SYT7: variants seen among roughly 807,000 people sequenced by gnomAD.
SYT7 encodes the protein synaptotagmin-7.
SYT7 carries 29 observed loss-of-function variants against 75.1 expected under a neutral mutation model. The observed-to-expected ratio is 0.39, with a 90% CI of 0.29 to 0.53. The LOEUF is 0.53. Ranked by LOEUF, SYT7 falls within the 20% of genes least tolerant of loss-of-function variation. The pLI is 0.77. For synonymous variants in SYT7, 376 were observed against 401.7 expected, an observed-to-expected ratio of 0.94 and a Z score of 0.76; for missense variants, 693 against 953.2, an observed-to-expected ratio of 0.73 and a Z score of 3.59.
intron 12 of SYT7, among the ~76,000 whole-genome samples, chr11:61,519,975 C>G (rs2062263694): frequency 6.6e-6 from 1 of 152,004 alleles, no homozygotes; most frequent in African/African-American, 2.4e-5. Context: ...CGCCCGCCAC[C>G]ACGCCCGGCT....
At chr11:61,557,118 G>A (rs932194600) in intron 1 of SYT7, among the ~76,000 whole-genome samples, 14 of 152,084 alleles carry the variant, frequency 9.2e-5, no homozygotes, top group East Asian at 7.7e-4. Context: ...CTCCTCCCCC[G>A]CCCTCCTCAT....
chr11:61,533,728 G>T lies in SYT7; in HGVS notation c.1065-604C>A, dbSNP rs1469695864. Reference sequence around the variant, plus strand: ...TGTATTTGTGCTGTCCAGTGGAGCAGCCACATGCCACACGTGTGCACTTGA... The same window carrying T: ...TGTATTTGTGCTGTCCAGTGGAGCATCCACATGCCACACGTGTGCACTTGA... On this transcript the variant is annotated intron_variant, in intron 7 of 12. Coordinates refer to ENST00000539008, the MANE Select transcript of SYT7 (RefSeq NM_001365809.2). 6.4e-6 allele frequency: 6 copies of T among 933,274 alleles called. No individual in the cohort carries two copies. The South Asian group carries it at 1.5e-4, about 23-fold the overall frequency. 57.8% of individuals were successfully genotyped at this position (933,274 alleles called of 1,614,324 possible).
chr11:61,563,196 CT>C (rs2063685645), intron 1 of SYT7, among the ~76,000 whole-genome samples: 1 of 152,186 alleles, frequency 6.6e-6, no homozygotes, highest in African/African-American at 2.4e-5. Context: ...CATCACTTGT[CT>C]ACTCAGATTC....
chr11:61,561,165 C>T lies in SYT7; in HGVS notation c.32-4958G>A, dbSNP rs74394168. ...GGGAAAGAAAATTTGGAGCCCTAGT[C>T]AGCCTTTTGACAGGGTTGAGTGCCA... is the stretch of plus-strand genomic sequence containing the variant. On this transcript the variant is annotated intron_variant, in intron 1 of 12. Transcript: ENST00000539008. Among the ~76,000 whole-genome samples, 353 of 152,330 alleles carry T rather than the reference C, an allele frequency of 2.3e-3. 2 individuals carry two copies. The highest frequency in any genetic ancestry group is 8.2e-3 in the African/African-American group (342 of 41,572).
intron 3 of SYT7, among the ~76,000 whole-genome samples, chr11:61,550,400 CA>C (rs1475388203): frequency 4.0e-5 from 6 of 150,920 alleles, no homozygotes; most frequent in African/African-American, 1.5e-4. Context: ...GAAAGACACA[CA>C]GGGGAAGGCA....
In SYT7 at chr11:61,551,612, G is replaced by A. The variant is rs1290029668; in HGVS notation, c.136-149C>T. On this transcript the variant is annotated intron_variant, in intron 2 of 12. Coordinates refer to ENST00000539008, the MANE Select transcript of SYT7 (RefSeq NM_001365809.2). This position sits in a 1 kb window ranked among gnomAD's most constrained non-coding sequence, Gnocchi z 5.3. ...CAGTGTGCGAGGCTGTCACCGCGGT[G>A]GGGGCCAATCCCCTGGATGCCTGCT... The A allele has an allele frequency of 2.6e-6, 2 of 769,746 alleles. No homozygotes were observed. Among genetic ancestry groups the A allele is most frequent in the Non-Finnish European group, 4.2e-6 (2 of 474,650 alleles). 47.7% of individuals were successfully genotyped at this position (769,746 alleles called of 1,614,324 possible).
chr11:61,517,876 C>T lies in SYT7; in HGVS notation c.*751G>A, dbSNP rs942881366. 26 of 301,400 alleles carry T rather than the reference C, an allele frequency of 8.6e-5. No homozygotes were observed. The highest frequency in any genetic ancestry group is 1.4e-4 in the Non-Finnish European group (23 of 164,500). 18.7% of individuals were successfully genotyped at this position (301,400 alleles called of 1,614,324 possible). On this transcript the variant is annotated 3_prime_UTR_variant, in exon 13 of 13. Transcript: ENST00000539008. ...GACGGGGGGATGGCAGGAGGCAGCC[C>T]AGTTCTCAGCCCAGCTCCAGCAACT...
intron 7 of SYT7, among the ~76,000 whole-genome samples, chr11:61,537,761 C>T (rs1248104591): frequency 2.0e-5 from 3 of 152,156 alleles, no homozygotes; most frequent in Admixed American, 2.0e-4. Flanking sequence ...CCTTACATCC[C>T]CCCCGCCCAC....
chr11:61,555,748 C>T (rs924272533), intron 2 of SYT7, among the ~76,000 whole-genome samples: 2 of 151,542 alleles, frequency 1.3e-5, no homozygotes, highest in African/African-American at 4.9e-5. Context: ...TGTGTGCCTG[C>T]GGTGCTTTAT....
chr11:61,568,980 C>T (rs1472962741), intron 1 of SYT7, among the ~76,000 whole-genome samples: 1 of 152,210 alleles, frequency 6.6e-6, no homozygotes, highest in Non-Finnish European at 1.5e-5. Context: ...CGGTGGGACA[C>T]CCAGTCCAGT....
chr11:61,538,084 C>T (rs957666204), intron 7 of SYT7, 60 bp downstream of exon 7: 34 of 1,526,252 alleles, frequency 2.2e-5, no homozygotes, highest in Admixed American at 1.4e-4. Flanking sequence ...TCGAGGCAGG[C>T]GGCCTCTCCG....
In SYT7 at chr11:61,524,035, G is replaced by C; in HGVS notation, c.1642-94C>G. On this transcript the variant is annotated intron_variant, in intron 10 of 12. Coordinates refer to ENST00000539008, the MANE Select transcript of SYT7 (RefSeq NM_001365809.2). The surrounding 1 kb of genome is among the most constrained non-coding windows in gnomAD (Gnocchi z 4.1). ...CCAGGTCCCCTCTACCCTGACCTTG[G>C]TGCTTACCCATGCCCCTGTCTGTCA... is the stretch of plus-strand genomic sequence containing the variant. The C allele has an allele frequency of 8.7e-7, 1 of 1,146,078 alleles. No homozygotes were observed. Among genetic ancestry groups the C allele is most frequent in the Non-Finnish European group, 1.3e-6 (1 of 772,122 alleles). The allele number at this position is 1,146,078 out of a possible 1,614,324, so 71.0% of individuals were successfully genotyped here. A position where few individuals can be genotyped will look rare whatever the true frequency, so the allele number is the denominator to read the frequency against.
rs927255666 is a variant in SYT7, at chr11:61,569,784, G to C, written c.31+11006C>G. 2.0e-5 allele frequency among the ~76,000 whole-genome samples: 3 copies of C among 152,150 alleles called. No homozygotes were observed. In the South Asian group the frequency reaches 6.2e-4, roughly 32 times the overall value. ...CAGGGAGAAGGGGGAGGAGAGCGGG[G>C]GAGGACGGCTTGGAGTGGCAGCTCC... On this transcript the variant is annotated intron_variant, in intron 1 of 12. Transcript: ENST00000539008.
At chr11:61,527,781 G>A (rs2135102633) in intron 9 of SYT7, 134 bp downstream of exon 9, 1 of 1,045,432 alleles carries the variant, frequency 9.6e-7, no homozygotes, top group South Asian at 1.5e-5. Context: ...GCTTGCATGT[G>A]TGTTTGTGCA....
intron 2 of SYT7, among the ~76,000 whole-genome samples, chr11:61,554,505 T>C (rs1325526464): frequency 6.6e-6 from 1 of 151,926 alleles, no homozygotes; most frequent in Non-Finnish European, 1.5e-5. Context: ...AGTCAACACA[T>C]TCAGCACAGA....
chr11:61,548,194 G>T (rs774382241), intron 3 of SYT7, among the ~76,000 whole-genome samples: 1 of 152,216 alleles, frequency 6.6e-6, no homozygotes, highest in South Asian at 2.1e-4. Context: ...GGGGCCCCTC[G>T]GTCCTTTGTT....
chr11:61,545,376 C>T (rs918018634), intron 5 of SYT7, among the ~76,000 whole-genome samples: 2 of 152,230 alleles, frequency 1.3e-5, no homozygotes, highest in African/African-American at 4.8e-5. Context: ...TCCCAACAGC[C>T]AGTGGTGGGA....
intron 6 of SYT7, 123 bp from the exon 7 acceptor site, chr11:61,538,389 A>AAG (rs1390251572): frequency 4.5e-5 from 12 of 267,844 alleles, no homozygotes; most frequent in South Asian, 6.0e-5. Flanking sequence ...GAGAGAGAGA[A>AAG]AGAGAGAGAG....
chr11:61,538,346 G>GGGGAGAGAGAGAGAGAGAGAGAGAGA (rs1412784519), intron 6 of SYT7, 80 bp from the exon 7 acceptor site: 3 of 190,140 alleles, frequency 1.6e-5, no homozygotes, highest in Non-Finnish European at 2.7e-5. Flanking sequence ...GGAGAGAGAG[G>GGGGAGAGAGAGAGAGAGAGAGAGAGA]GAGAGAGAGA....
Sources: gnomAD v4.1 joint callset for allele counts (sites outside exome capture counted in the v4.1 genomes callset) on GRCh38, gnomAD v4.1.1 for gene constraint, Gnocchi (gnomAD v3.1) non-coding constraint, MANE v1.5 for transcripts, NCBI Gene and HGNC (gene_info 2026-07-23, HGNC 2026-07-21) for gene names.